Variants in PTPRJ observed in about 807,000 individuals in gnomAD.
PTPRJ encodes the protein protein tyrosine phosphatase receptor type J.
In PTPRJ, 129 loss-of-function variants were observed where a neutral mutation model predicts 141.3. The ratio of observed to expected loss-of-function variants is 0.91; its 90% CI spans 0.79 to 1.06. The LOEUF (loss-of-function observed/expected upper bound fraction) is 1.06, where lower values mean the gene tolerates loss of function less well. Among genes scored for constraint, PTPRJ ranks in the 50% least tolerant of loss-of-function variants. The pLI is 0.00. For synonymous variants in PTPRJ, 610 were observed against 640.5 expected (o/e 0.95, Z 0.72); for missense variants, 1,601 against 1,679.7 (o/e 0.95, Z 0.82).
At chr11:48,039,005 C>T (rs1854201274) in intron 1 of PTPRJ, among the ~76,000 whole-genome samples, 1 of 151,440 alleles carries the variant, frequency 6.6e-6, no homozygotes, top group Non-Finnish European at 1.5e-5. Context: ...CAAAAATTAG[C>T]TGGGTGTGGT....
At chr11:48,089,800 G>A (rs1440757609) in intron 1 of PTPRJ, among the ~76,000 whole-genome samples, 4 of 152,196 alleles carry the variant, frequency 2.6e-5, no homozygotes, top group Non-Finnish European at 5.9e-5. Flanking sequence ...AGGGTGTAAG[G>A]TAGAGTGGGC....
chr11:48,046,442 A>G (rs954482458), intron 1 of PTPRJ: 4 of 152,152 alleles, frequency 2.6e-5, no homozygotes, highest in African/African-American at 9.7e-5. Flanking sequence ...GCTCTTTGCC[A>G]AGGGTTGCTG....
At chr11:48,086,779 G>C (rs1855725965) in intron 1 of PTPRJ, among the ~76,000 whole-genome samples, 1 of 152,144 alleles carries the variant, frequency 6.6e-6, no homozygotes, top group Non-Finnish European at 1.5e-5. Flanking sequence ...TAACTTCCGG[G>C]TGCTCTTCTC....
chr11:48,123,650 G>A lies in PTPRJ; in HGVS notation c.654G>A (p.Thr218=), dbSNP rs769445869. The stretch of plus-strand genomic sequence containing the variant: ...TTTCTGATCTCCGTGTTGCCCTCAC[G>A]GGTGTGAGGAAGGCTGCTCTCTCCT... ...IPVSDLRVAL[T]GVRKAALSWS... is the part of the protein sequence containing the mutation. Residue 218 remains threonine (T), a synonymous_variant, in exon 5 of 25, where the codon ACG becomes ACA. Transcript: ENST00000418331. 4.3e-6 allele frequency: 7 copies of A among 1,613,972 alleles called. No individual in the cohort carries two copies. Among genetic ancestry groups the A allele is most frequent in the Non-Finnish European group, 5.9e-6 (7 of 1,179,898 alleles).
At chr11:48,134,450 G>A (rs1182040775) in intron 8 of PTPRJ, among the ~76,000 whole-genome samples, 1 of 152,060 alleles carries the variant, frequency 6.6e-6, no homozygotes. Flanking sequence ...GCTTTTGTCT[G>A]TGGAATCCCT....
chr11:48,090,095 C>A (rs574704356), intron 1 of PTPRJ, among the ~76,000 whole-genome samples: 1 of 152,280 alleles, frequency 6.6e-6, no homozygotes, highest in East Asian at 1.9e-4. Context: ...TCCCCTCCCT[C>A]CCCCCAACCA....
At chr11:48,018,922 C>G (rs1025827965) in intron 1 of PTPRJ, among the ~76,000 whole-genome samples, 2 of 152,150 alleles carry the variant, frequency 1.3e-5, no homozygotes, top group Admixed American at 1.3e-4. Context: ...CCCGACCCCT[C>G]GCCTCTGCAG....
chr11:48,023,062 G>A (rs1016388563), intron 1 of PTPRJ, among the ~76,000 whole-genome samples: 2 of 152,164 alleles, frequency 1.3e-5, no homozygotes, highest in Non-Finnish European at 2.9e-5. Flanking sequence ...ACTTATTAGG[G>A]AGGTACAAAT....
At chr11:48,166,581 C>T (rs1039768243) in intron 24 of PTPRJ, among the ~76,000 whole-genome samples, 4 of 152,132 alleles carry the variant, frequency 2.6e-5, no homozygotes, top group Non-Finnish European at 5.9e-5. Context: ...CCCCAAAGTG[C>T]TGGGATTACA....
intron 1 of PTPRJ, among the ~76,000 whole-genome samples, chr11:47,995,720 C>T (rs1854317296): frequency 6.6e-6 from 1 of 152,186 alleles, no homozygotes; most frequent in African/African-American, 2.4e-5. Context: ...GTGTGGATGA[C>T]ATGACTTCAG....
At chr11:48,101,212 A>G (rs1038556374) in intron 1 of PTPRJ, among the ~76,000 whole-genome samples, 2 of 152,212 alleles carry the variant, frequency 1.3e-5, no homozygotes, top group Non-Finnish European at 2.9e-5. Flanking sequence ...AAAAAATGCA[A>G]GAAGTTAGGT....
rs572246238 is a variant in PTPRJ, at chr11:48,164,606, G to T, written c.3855+91G>T. The T allele has an allele frequency of 2.3e-4, 309 of 1,317,700 alleles. 4 individuals are homozygous for T. The South Asian group carries it at 4.6e-3, about 20-fold the overall frequency. 81.6% of individuals were successfully genotyped at this position (1,317,700 alleles called of 1,614,324 possible). On this transcript the variant is annotated intron_variant, in intron 24 of 24. Coordinates refer to ENST00000418331, the MANE Select transcript of PTPRJ (RefSeq NM_002843.4). ...TTTTGAGACGGAGTCTTGCTCTGTCGCCCAGGCTGGAGTGCAGTGGCATGA... is the reference window on the plus strand; with the variant it reads ...TTTTGAGACGGAGTCTTGCTCTGTCTCCCAGGCTGGAGTGCAGTGGCATGA...
intron 11 of PTPRJ, among the ~76,000 whole-genome samples, chr11:48,140,564 G>A (rs1225357600): frequency 1.3e-5 from 2 of 152,206 alleles, no homozygotes; most frequent in Non-Finnish European, 2.9e-5. Flanking sequence ...AAATGCAGGA[G>A]CCTGTGCTAG....
chr11:48,069,224 C>T (rs977244536), intron 1 of PTPRJ, among the ~76,000 whole-genome samples: 15 of 151,618 alleles, frequency 9.9e-5, no homozygotes, highest in South Asian at 6.3e-4. Flanking sequence ...CTCAGCCTCC[C>T]GAGTAGCTGG....
Position 48,159,097 on chromosome 11 carries a change from G to GGGGT in PTPRJ, c.3439-832_3439-831insGGTG, listed in dbSNP as rs1555058252. Among the ~76,000 whole-genome samples, 97 of 139,732 alleles carry GGGGT rather than the reference G, an allele frequency of 6.9e-4. 3 individuals carry two copies. Among genetic ancestry groups the GGGGT allele is most frequent in the South Asian group, 5.9e-3 (25 of 4,248 alleles). The allele number at this position is 139,732 out of a possible 152,430, so 91.7% of individuals were successfully genotyped here. ...TGTGTGTGCGTGTGTGTGTATGTGG[G>GGGGT]GTGTGTGTGTGTGTGTGTATGTGGG... On this transcript the variant is annotated intron_variant, in intron 21 of 24. Coordinates refer to ENST00000418331, the MANE Select transcript of PTPRJ (RefSeq NM_002843.4).
chr11:48,085,775 T>C (rs1046498409), intron 1 of PTPRJ, among the ~76,000 whole-genome samples: 6 of 152,220 alleles, frequency 3.9e-5, no homozygotes, highest in African/African-American at 1.2e-4. Context: ...ATGGAAGGGA[T>C]TGAAGCCATT....
chr11:48,030,783 C>T (rs1398694634), intron 1 of PTPRJ, among the ~76,000 whole-genome samples: 1 of 151,952 alleles, frequency 6.6e-6, no homozygotes, highest in East Asian at 1.9e-4. Flanking sequence ...AAAGAGGAGG[C>T]CTTTCCTGCT....
chr11:48,049,221 C>T (rs1854488133), intron 1 of PTPRJ, among the ~76,000 whole-genome samples: 1 of 152,136 alleles, frequency 6.6e-6, no homozygotes, highest in South Asian at 2.1e-4. Flanking sequence ...TAGCACCCCC[C>T]TCCCAACTCT....
intron 1 of PTPRJ, among the ~76,000 whole-genome samples, chr11:48,027,342 G>A (rs1853844508): frequency 6.6e-6 from 1 of 152,028 alleles, no homozygotes; most frequent in Admixed American, 6.6e-5. Context: ...AAAGGGCTGA[G>A]GATGGGTAAG....
Sources: allele counts gnomAD v4.1 joint callset (sites outside exome capture counted in the v4.1 genomes callset), GRCh38; gene constraint gnomAD v4.1.1; transcripts MANE v1.5; gene names NCBI Gene and HGNC (gene_info 2026-07-23, HGNC 2026-07-21).